The following WWC1 variants were observed in gnomAD, a reference collection of about 807,000 sequenced individuals.
WWC1 encodes WW and C2 domain containing 1.
Under a neutral mutation model 138.4 loss-of-function variants are expected in WWC1, and 55 were observed. The observed-to-expected ratio is 0.40, with a 90% CI of 0.32 to 0.50. The LOEUF (loss-of-function observed/expected upper bound fraction) is 0.50. Among genes scored for constraint, WWC1 ranks in the 20% least tolerant of loss-of-function variants. The probability of loss-of-function intolerance (pLI) is 0.72; values close to 1 mark genes in which losing one functional copy is unlikely to be tolerated. For synonymous variants in WWC1, 524 were observed against 564.9 expected, an observed-to-expected ratio of 0.93 and a Z score of 1.03; for missense variants, 1,226 against 1,420.4, an observed-to-expected ratio of 0.86 and a Z score of 2.20.
At chr5:168,412,576 A>G (rs1429865975) in intron 8 of WWC1, among the ~76,000 whole-genome samples, 1 of 152,180 alleles carries the variant, frequency 6.6e-6, no homozygotes, top group African/African-American at 2.4e-5. Context: ...GTACTGCAGA[A>G]CAGCAGCTAC....
intron 1 of WWC1, among the ~76,000 whole-genome samples, chr5:168,366,548 C>G (rs1344489569): frequency 6.6e-6 from 1 of 152,188 alleles, no homozygotes; most frequent in Non-Finnish European, 1.5e-5. Context: ...GGCACAGTGT[C>G]TGTGTTCACT....
At chr5:168,373,714 T>G (rs1776929877) in intron 2 of WWC1, among the ~76,000 whole-genome samples, 1 of 94,212 alleles carries the variant, frequency 1.1e-5, no homozygotes, top group Non-Finnish European at 1.9e-5. Context: ...CAAGGCCTTG[T>G]CTCTTAAAAA....
At chr5:168,453,607 G>A (rs868411096) in intron 17 of WWC1, among the ~76,000 whole-genome samples, 7 of 152,000 alleles carry the variant, frequency 4.6e-5, no homozygotes, top group Non-Finnish European at 8.8e-5. Flanking sequence ...GTGCAGTGGC[G>A]TGACCTCGGT....
rs984234332 is a variant in WWC1 at position 168,320,217 on chromosome 5, T to G, written c.119+27946T>G. ...GCCTGGCTAATTTTTGTATTTTTAG[T>G]AGAGACGGAGTTTCACCATGTTGGC... is the stretch of plus-strand genomic sequence containing the variant. On this transcript the variant is annotated intron_variant, in intron 1 of 22. Coordinates refer to ENST00000265293, the MANE Select transcript of WWC1 (RefSeq NM_015238.3). Among the ~76,000 whole-genome samples the G allele has an allele frequency of 1.3e-5, 2 of 152,094 alleles. 1 individual carries two copies. The highest frequency in any genetic ancestry group is 4.1e-4 in the South Asian group (2 of 4,830).
At chr5:168,364,136 G>A (rs1011297065) in intron 1 of WWC1, among the ~76,000 whole-genome samples, 1 of 151,966 alleles carries the variant, frequency 6.6e-6, no homozygotes, top group African/African-American at 2.4e-5. Context: ...GGGCCTTCCT[G>A]TGTAAGTTTC....
At chr5:168,384,749 A>G (rs1035618011) in intron 2 of WWC1, among the ~76,000 whole-genome samples, 3 of 121,220 alleles carry the variant, frequency 2.5e-5, no homozygotes, top group African/African-American at 3.3e-5. Context: ...ACAGAGTCTC[A>G]TTATGTCATC....
chr5:168,438,484 G>A (rs1342937085), intron 15 of WWC1, among the ~76,000 whole-genome samples: 1 of 152,164 alleles, frequency 6.6e-6, no homozygotes, highest in Non-Finnish European at 1.5e-5. Context: ...GGCCTCCCCA[G>A]CCATGCTGAA....
At chr5:168,351,104 G>A (rs998589808) in intron 1 of WWC1, among the ~76,000 whole-genome samples, 1 of 150,508 alleles carries the variant, frequency 6.6e-6, no homozygotes, top group Admixed American at 6.6e-5. Context: ...CCGAGATCAC[G>A]CCACGGCACT....
intron 9 of WWC1, among the ~76,000 whole-genome samples, chr5:168,417,948 C>A: frequency 6.6e-6 from 1 of 152,220 alleles, no homozygotes. Flanking sequence ...CTTCCAGCTC[C>A]ATGTCAGTCT....
chr5:168,351,890 A>T (rs986985849), intron 1 of WWC1, among the ~76,000 whole-genome samples: 1 of 152,102 alleles, frequency 6.6e-6, no homozygotes, highest in Non-Finnish European at 1.5e-5. Context: ...CTGCCTAGGG[A>T]CTGGCTGCTT....
In WWC1 at chr5:168,292,788, G is replaced by C. The variant is rs918382890; in HGVS notation, c.119+517G>C. On this transcript the variant is annotated intron_variant, in intron 1 of 22. Transcript: ENST00000265293. The surrounding 1 kb of genome is among the most constrained non-coding windows in gnomAD (Gnocchi z 4.4). ...CTCGGCGCAGAGGAAGGCAACCTGAGGTGTGCTTTTTGACAGGTGCCTTGG... is the reference window on the plus strand; with the variant it reads ...CTCGGCGCAGAGGAAGGCAACCTGACGTGTGCTTTTTGACAGGTGCCTTGG... 6.6e-6 allele frequency among the ~76,000 whole-genome samples: 1 copy of C among 152,144 alleles called. No homozygotes were observed. Among genetic ancestry groups the C allele is most frequent in the African/African-American group, 2.4e-5 (1 of 41,434 alleles).
chr5:168,368,113 G>A (rs1240414704), intron 1 of WWC1, among the ~76,000 whole-genome samples: 8 of 119,274 alleles, frequency 6.7e-5, no homozygotes, highest in African/African-American at 2.2e-4. Context: ...TTTTTGAGAC[G>A]GAGTTTTGTT....
At chr5:168,357,493 T>TGTGTGTGTGTGC (rs1353607261) in intron 1 of WWC1, among the ~76,000 whole-genome samples, 18 of 119,828 alleles carry the variant, frequency 1.5e-4, no homozygotes, top group African/African-American at 6.9e-4. Context: ...TGTGTGTGTG[T>TGTGTGTGTGTGC]GCGCGCGCGC....
intron 1 of WWC1, among the ~76,000 whole-genome samples, chr5:168,294,765 A>G (rs1769377714): frequency 6.6e-6 from 1 of 152,132 alleles, no homozygotes; most frequent in Non-Finnish European, 1.5e-5. Context: ...AGCTGGGACT[A>G]CAGGTGCACG....
intron 5 of WWC1, 21 bp from the exon 6 acceptor site, chr5:168,406,177 T>G (rs1282921949): frequency 6.2e-7 from 1 of 1,612,636 alleles, no homozygotes; most frequent in Non-Finnish European, 8.5e-7. Context: ...AGGCTGACCT[T>G]TCCCATTAAC....
At chr5:168,339,863 C>CTCTT in intron 1 of WWC1, among the ~76,000 whole-genome samples, 1 of 123,664 alleles carries the variant, frequency 8.1e-6, no homozygotes, top group African/African-American at 4.1e-5. Flanking sequence ...CTCTCTTTCT[C>CTCTT]TCTCTCTCTC....
intron 1 of WWC1, among the ~76,000 whole-genome samples, chr5:168,320,315 G>A (rs892370698): frequency 3.9e-5 from 6 of 152,134 alleles, no homozygotes; most frequent in Non-Finnish European, 5.9e-5. Context: ...GATTATAGGC[G>A]TTAACCACTG....
intron 15 of WWC1, among the ~76,000 whole-genome samples, chr5:168,431,702 G>A (rs548780736): frequency 6.6e-6 from 1 of 152,294 alleles, no homozygotes; most frequent in Admixed American, 6.5e-5. Flanking sequence ...ACCTGAAAGT[G>A]CCTTTTAAAA....
At chr5:168,339,015 G>A (rs908222765) in intron 1 of WWC1, among the ~76,000 whole-genome samples, 1 of 152,148 alleles carries the variant, frequency 6.6e-6, no homozygotes, top group African/African-American at 2.4e-5. Context: ...GAGATAATGG[G>A]TATGCTAATT....
Sources: gnomAD v4.1 joint callset for allele counts (sites outside exome capture counted in the v4.1 genomes callset) on GRCh38, gnomAD v4.1.1 for gene constraint, Gnocchi (gnomAD v3.1) non-coding constraint, MANE v1.5 for transcripts, NCBI Gene and HGNC (gene_info 2026-07-23, HGNC 2026-07-21) for gene names.